Variants in CSMD1 observed in about 807,000 individuals in gnomAD.
CSMD1 encodes the protein CUB and Sushi multiple domains 1.
CSMD1 carries 213 observed loss-of-function variants against 417.5 expected under a neutral mutation model. That is an observed-to-expected ratio of 0.51 (90% CI 0.46 to 0.57). The LOEUF (loss-of-function observed/expected upper bound fraction) is 0.57, where lower values mean the gene tolerates loss of function less well. Ranked by LOEUF, CSMD1 falls within the 20% of genes least tolerant of loss-of-function variation. The probability of loss-of-function intolerance (pLI) is 0.00; values close to 1 mark genes in which losing one functional copy is unlikely to be tolerated. For missense variants in CSMD1, 6,923 were observed against 4,529.7 expected, an observed-to-expected ratio of 1.53 and a Z score of -15.17; for synonymous variants, 2,862 against 1,736.8, an observed-to-expected ratio of 1.65 and a Z score of -16.11.
intron 6 of CSMD1, among the ~76,000 whole-genome samples, chr8:3,719,860 A>C (rs1431942904): frequency 6.6e-6 from 1 of 152,182 alleles, no homozygotes; most frequent in Non-Finnish European, 1.5e-5. Context: ...AGTTGTAAGA[A>C]AGACTTAATC....
chr8:4,119,258 T>C (rs1326841593), intron 3 of CSMD1, among the ~76,000 whole-genome samples: 1 of 152,134 alleles, frequency 6.6e-6, no homozygotes, highest in Non-Finnish European at 1.5e-5. Context: ...AAAGTAAAAT[T>C]AAAAAAAAAA....
chr8:4,437,592 T>C (rs1007897437), intron 2 of CSMD1, among the ~76,000 whole-genome samples: 3 of 152,232 alleles, frequency 2.0e-5, no homozygotes, highest in Admixed American at 2.0e-4. Flanking sequence ...AAAATGTTTT[T>C]ATTTCATACT....
intron 3 of CSMD1, among the ~76,000 whole-genome samples, chr8:4,397,697 A>C: frequency 6.6e-6 from 1 of 152,070 alleles, no homozygotes. Flanking sequence ...AGATATTAAT[A>C]AGATTTCAAA....
chr8:3,515,347 G>C (rs567283643), intron 10 of CSMD1: 1 of 152,196 alleles, frequency 6.6e-6, no homozygotes, highest in Non-Finnish European at 1.5e-5. Context: ...CACAGCTACA[G>C]ATCACCACTG....
intron 10 of CSMD1, among the ~76,000 whole-genome samples, chr8:3,525,536 T>G (rs1305054089): frequency 6.6e-6 from 1 of 152,136 alleles, no homozygotes; most frequent in Non-Finnish European, 1.5e-5. Flanking sequence ...CTGAAAATAT[T>G]GGTGAAAGCG....
intron 3 of CSMD1, among the ~76,000 whole-genome samples, chr8:4,036,945 G>C (rs1018397550): frequency 1.4e-5 from 2 of 142,630 alleles, no homozygotes; most frequent in African/African-American, 5.3e-5. Flanking sequence ...TCCTAGTATG[G>C]GTGAGTGTGG....
chr8:3,006,579 A>G (rs1399063374), intron 52 of CSMD1, among the ~76,000 whole-genome samples: 1 of 151,242 alleles, frequency 6.6e-6, no homozygotes, highest in African/African-American at 2.5e-5. Flanking sequence ...GCAGAGATAT[A>G]GATCAATGGA....
chr8:3,836,524 T>C (rs1037384439), intron 5 of CSMD1, among the ~76,000 whole-genome samples: 4 of 152,134 alleles, frequency 2.6e-5, no homozygotes, highest in Non-Finnish European at 4.4e-5. Flanking sequence ...TCTTACCCTT[T>C]AGAGCAAGAA....
intron 1 of CSMD1, among the ~76,000 whole-genome samples, chr8:4,855,928 T>C (rs540460470): frequency 6.0e-5 from 9 of 148,780 alleles, no homozygotes; most frequent in African/African-American, 2.2e-4. Flanking sequence ...ACAAAGATAC[T>C]CCTCGAGAAG....
intron 5 of CSMD1, among the ~76,000 whole-genome samples, chr8:3,836,662 G>A (rs1299434029): frequency 2.6e-5 from 4 of 152,190 alleles, no homozygotes; most frequent in Middle Eastern, 6.8e-3. Context: ...TGAGACACGT[G>A]AGTTCCTGTA....
At chr8:4,715,692 G>C (rs1337883772) in intron 1 of CSMD1, among the ~76,000 whole-genome samples, 3 of 152,036 alleles carry the variant, frequency 2.0e-5, no homozygotes, top group Non-Finnish European at 2.9e-5. Context: ...TCCCTTCTAG[G>C]CGTTCAACTC....
At chr8:4,609,550 C>T (rs562514920) in intron 2 of CSMD1, among the ~76,000 whole-genome samples, 82 of 152,290 alleles carry the variant, frequency 5.4e-4, no homozygotes, top group African/African-American at 1.9e-3. Context: ...GTACTAAACA[C>T]TTTATGTACA....
chr8:4,691,092 G>A (rs1430088652), intron 1 of CSMD1, among the ~76,000 whole-genome samples: 1 of 152,134 alleles, frequency 6.6e-6, no homozygotes, highest in Non-Finnish European at 1.5e-5. Flanking sequence ...ATTTTTAAAT[G>A]GATTTTCCCC....
At chr8:4,753,010 G>C (rs1224787387) in intron 1 of CSMD1, among the ~76,000 whole-genome samples, 1 of 152,126 alleles carries the variant, frequency 6.6e-6, no homozygotes, top group South Asian at 2.1e-4. Flanking sequence ...TATAACGACA[G>C]TTATTATTTA....
intron 49 of CSMD1, among the ~76,000 whole-genome samples, chr8:3,083,634 ATATATATATATATATTTTTTTTTTTT>A (rs1814286292): frequency 9.9e-4 from 23 of 23,346 alleles, no homozygotes; most frequent in African/African-American, 3.5e-3. Flanking sequence ...ATATATATAT[ATATATATATATATATTTTTTTTTTTT>A]TTTTTTTTTT....
At chr8:4,710,764 G>C (rs936782639) in intron 1 of CSMD1, among the ~76,000 whole-genome samples, 4 of 151,726 alleles carry the variant, frequency 2.6e-5, no homozygotes, top group African/African-American at 9.7e-5. Flanking sequence ...TAAAATGCTT[G>C]AACCCGGGAG....
chr8:4,039,940 T>C (rs942401747), intron 3 of CSMD1, among the ~76,000 whole-genome samples: 1 of 152,142 alleles, frequency 6.6e-6, no homozygotes, highest in Admixed American at 6.5e-5. Flanking sequence ...TACTCTTGGG[T>C]TTATTATAGA....
At chr8:4,077,295 G>GGGTATA (rs1554439869) in intron 3 of CSMD1, among the ~76,000 whole-genome samples, 11 of 88,906 alleles carry the variant, frequency 1.2e-4, no homozygotes, top group African/African-American at 3.9e-4. Context: ...ATATATATAT[G>GGGTATA]TGTATATATA....
intron 7 of CSMD1, among the ~76,000 whole-genome samples, chr8:3,697,436 C>T (rs765063649): frequency 2.0e-5 from 3 of 152,164 alleles, no homozygotes; most frequent in Admixed American, 6.6e-5. Flanking sequence ...ATGTTTATAT[C>T]AAGGCTAATT....
Sources: allele counts gnomAD v4.1 joint callset (sites outside exome capture counted in the v4.1 genomes callset), GRCh38; gene constraint gnomAD v4.1.1; transcripts MANE v1.5; gene names NCBI Gene and HGNC (gene_info 2026-07-23, HGNC 2026-07-21).